Variants in ABR observed in about 807,000 individuals in gnomAD.
The protein encoded by ABR is active breakpoint cluster region-related protein.
A neutral mutation model predicts 107.2 loss-of-function variants in ABR; 35 were observed. The observed-to-expected ratio is 0.33, with a 90% CI of 0.25 to 0.43. The LOEUF is 0.43. Ranked by LOEUF, ABR falls within the 20% of genes least tolerant of loss-of-function variation. The pLI, the probability that ABR is intolerant of heterozygous loss-of-function variation, is 1.00. For missense variants in ABR, 815 were observed against 1,115.2 expected (o/e 0.73, Z 3.83); for synonymous variants, 498 against 462.0 (o/e 1.08, Z -1.00).
chr17:1,130,887 C>T (rs934091955), intron 1 of ABR, among the ~76,000 whole-genome samples: 2 of 152,198 alleles, frequency 1.3e-5, no homozygotes, highest in Non-Finnish European at 2.9e-5. Flanking sequence ...GGAACTCTGC[C>T]CCGGCAGCCT....
At chr17:1,171,810 A>C (rs2041721563) in intron 1 of ABR, among the ~76,000 whole-genome samples, 1 of 152,146 alleles carries the variant, frequency 6.6e-6, no homozygotes, top group African/African-American at 2.4e-5. Flanking sequence ...AGCACCTGTA[A>C]TCCCAGCTAC....
rs764487346 is a variant in ABR, at chr17:1,072,770, C to T, written c.754-16G>A. 3.7e-5 allele frequency: 60 copies of T among 1,610,500 alleles called. No homozygotes were observed. The highest frequency in any genetic ancestry group is 8.4e-5 in the Admixed American group (5 of 59,664). On this transcript the variant is annotated splice_polypyrimidine_tract_variant and intron_variant, in intron 7 of 22. Transcript: ENST00000302538. ...TCAGCAGGTCCTGGGAAGGGTGAGG[C>T]GGTGAGTTGAGGGGAGCGGCTCTGG...
chr17:1,195,255 G>T (rs79153408), intron 1 of ABR, among the ~76,000 whole-genome samples: 1 of 127,308 alleles, frequency 7.9e-6, no homozygotes, highest in Non-Finnish European at 1.7e-5. Flanking sequence ...TGCAGTGAGC[G>T]GAGATCGCGC....
Position 1,060,409 on chromosome 17 carries a change from C to T in ABR, c.1183-1542G>A, listed in dbSNP as rs183137277. Among the ~76,000 whole-genome samples, 594 of 152,042 alleles carry T rather than the reference C, an allele frequency of 3.9e-3. 3 individuals are homozygous for T. Among genetic ancestry groups the T allele is most frequent in the African/African-American group, 0.013 (559 of 41,456 alleles). ...TGGGTGACAGAGCGAGACTCTACCT[C>T]AAAAAGAAAGAAAAAGAATCTGATA... is the stretch of plus-strand genomic sequence containing the variant. On this transcript the variant is annotated intron_variant, in intron 10 of 22. Coordinates refer to ENST00000302538, the MANE Select transcript of ABR (RefSeq NM_021962.5).
intron 1 of ABR, among the ~76,000 whole-genome samples, chr17:1,225,344 G>A (rs1274622591): frequency 1.3e-5 from 2 of 151,812 alleles, no homozygotes; most frequent in Non-Finnish European, 1.5e-5. Context: ...AATGACTGGG[G>A]AGTGGGAAGC....
intron 1 of ABR, among the ~76,000 whole-genome samples, chr17:1,142,900 C>A (rs1195381963): frequency 3.3e-5 from 5 of 152,160 alleles, no homozygotes; most frequent in Non-Finnish European, 7.4e-5. Context: ...CCCTCATTAG[C>A]CCAGCAAAGC....
chr17:1,083,479 G>C, intron 5 of ABR, 41 bp downstream of exon 5: 1 of 1,486,986 alleles, frequency 6.7e-7, no homozygotes, highest in Non-Finnish European at 9.2e-7. Context: ...AGCCCCCAAA[G>C]CTCCTTGTCC....
At chr17:1,199,018 C>T (rs186627791) in intron 1 of ABR, among the ~76,000 whole-genome samples, 1,480 of 146,864 alleles carry the variant, frequency 0.01, 46 homozygotes, top group African/African-American at 0.026. Flanking sequence ...GGTGCCATTG[C>T]ACTCCAGCCT....
chr17:1,211,871 G>A (rs924892329), intron 1 of ABR, among the ~76,000 whole-genome samples: 3 of 151,852 alleles, frequency 2.0e-5, no homozygotes, highest in South Asian at 2.1e-4. Context: ...GCTTGAGGTC[G>A]GGAGTTTGAG....
At chr17:1,046,520 C>T (rs1023507307) in intron 16 of ABR, among the ~76,000 whole-genome samples, 5 of 152,224 alleles carry the variant, frequency 3.3e-5, no homozygotes, top group African/African-American at 7.2e-5. Flanking sequence ...CAGCCCACCT[C>T]GGCCTCCTGC....
chr17:1,060,396 C>T (rs752122395), intron 10 of ABR, among the ~76,000 whole-genome samples: 13 of 151,604 alleles, frequency 8.6e-5, no homozygotes, highest in Non-Finnish European at 1.6e-4. Context: ...GGTGACAGAG[C>T]GAGACTCTAC....
rs931793063 is a variant in ABR, at chr17:1,051,377, G to T, written c.1562-743C>A. Among the ~76,000 whole-genome samples the T allele has an allele frequency of 4.0e-5, 6 of 151,826 alleles. No homozygotes were observed. Among genetic ancestry groups the T allele is most frequent in the Non-Finnish European group, 8.8e-5 (6 of 67,934 alleles). Reference sequence around the variant, plus strand: ...ACCCAGCTGGCACACGGTGAACGAGGCTCCCACCACCACCAAGCGCTCCAG... The same window carrying T: ...ACCCAGCTGGCACACGGTGAACGAGTCTCCCACCACCACCAAGCGCTCCAG... On this transcript the variant is annotated intron_variant, in intron 14 of 22. Transcript: ENST00000302538. The surrounding 1 kb of genome is among the most constrained non-coding windows in gnomAD (Gnocchi z 4.3).
At chr17:1,052,181 C>A (rs1219081832) in intron 14 of ABR, among the ~76,000 whole-genome samples, 1 of 152,104 alleles carries the variant, frequency 6.6e-6, no homozygotes, top group African/African-American at 2.4e-5. Flanking sequence ...GGCCTCAGAA[C>A]ACACAGAACG....
At chr17:1,023,746 T>C (rs372339782) in intron 16 of ABR, among the ~76,000 whole-genome samples, 72 of 152,074 alleles carry the variant, frequency 4.7e-4, no homozygotes, top group African/African-American at 1.7e-3. Context: ...TTAACAGGGC[T>C]GGGCGCGGTG....
intron 16 of ABR, chr17:1,031,833 G>A (rs1261999683): frequency 1.8e-6 from 2 of 1,112,576 alleles, no homozygotes; most frequent in East Asian, 9.0e-5. Context: ...AGTCCCGCCG[G>A]CTTTCCCCGC....
chr17:1,033,329 C>A (rs2072946839), intron 16 of ABR, among the ~76,000 whole-genome samples: 1 of 152,190 alleles, frequency 6.6e-6, no homozygotes, highest in Non-Finnish European at 1.5e-5. Context: ...CTGGCAGGGA[C>A]CAGGCATCAT....
intron 10 of ABR, among the ~76,000 whole-genome samples, chr17:1,059,369 G>T (rs912515514): frequency 2.6e-5 from 4 of 152,178 alleles, no homozygotes; most frequent in Non-Finnish European, 4.4e-5. Flanking sequence ...CGTGGCCCTG[G>T]GCGGGGTGCT....
chr17:1,091,809 G>C lies in ABR; in HGVS notation c.387C>G (p.Pro129=). The C allele has an allele frequency of 6.2e-7, 1 of 1,614,092 alleles. No homozygotes were observed. The highest frequency in any genetic ancestry group is 8.5e-7 in the Non-Finnish European group (1 of 1,179,994). ...PLKATATTSQ[P]VLTIQQIETI... ...TCTCGATCTGCTGGATGGTGAGCAC[G>C]GGCTGGGAGGTGGTGGCGGTGGCCT... Residue 129 remains proline (P), a synonymous_variant, in exon 4 of 23, where the codon CCC becomes CCG. Coordinates refer to ENST00000302538, the MANE Select transcript of ABR (RefSeq NM_021962.5).
At chr17:1,100,234 T>C (rs2037774120) in intron 3 of ABR, among the ~76,000 whole-genome samples, 1 of 152,020 alleles carries the variant, frequency 6.6e-6, no homozygotes, top group Non-Finnish European at 1.5e-5. Flanking sequence ...GTAGAAGGAC[T>C]TGGACACAAG....
Sources: gnomAD v4.1 joint callset for allele counts (sites outside exome capture counted in the v4.1 genomes callset) on GRCh38, gnomAD v4.1.1 for gene constraint, Gnocchi (gnomAD v3.1) non-coding constraint, MANE v1.5 for transcripts, NCBI Gene and HGNC (gene_info 2026-07-23, HGNC 2026-07-21) for gene names.